FIBCD1: variants seen among roughly 807,000 people sequenced by gnomAD.
The protein encoded by FIBCD1 is fibrinogen C domain-containing protein 1.
A neutral mutation model predicts 45.1 loss-of-function variants in FIBCD1; 47 were observed. That is an observed-to-expected ratio of 1.04 (90% confidence interval 0.82 to 1.33). FIBCD1 has a LOEUF of 1.33. Among genes scored for constraint, FIBCD1 ranks in the 40% most tolerant of loss-of-function variants. The pLI, the probability that FIBCD1 is intolerant of heterozygous loss-of-function variation, is 0.00. For missense variants in FIBCD1, 653 were observed against 682.2 expected (o/e 0.96, Z 0.48); for synonymous variants, 313 against 308.1 (o/e 1.02, Z -0.17).
chr9:130,903,977 G>A lies in FIBCD1; in HGVS notation c.*87C>T. On this transcript the variant is annotated 3_prime_UTR_variant, in exon 7 of 7. Transcript: ENST00000372338. ...TGGAGAGTGGGTCCGCCAGGCACAGGTGGGTGGAGAACATTCACGAAAGAG... is the reference window on the plus strand; with the variant it reads ...TGGAGAGTGGGTCCGCCAGGCACAGATGGGTGGAGAACATTCACGAAAGAG... 6.5e-7 allele frequency: 1 copy of A among 1,531,096 alleles called. No individual in the cohort carries two copies. Among genetic ancestry groups the A allele is most frequent in the South Asian group, 1.2e-5 (1 of 83,706 alleles). 94.8% of individuals were successfully genotyped at this position (1,531,096 alleles called of 1,614,324 possible).
At chr9:130,909,653 G>A (rs537747279) in intron 5 of FIBCD1, among the ~76,000 whole-genome samples, 7 of 152,094 alleles carry the variant, frequency 4.6e-5, no homozygotes, top group Non-Finnish European at 8.8e-5. Context: ...TATATAGGTA[G>A]ATAGGACCTC....
At chr9:130,920,140 T>G (rs1832235564) in intron 4 of FIBCD1, among the ~76,000 whole-genome samples, 1 of 151,386 alleles carries the variant, frequency 6.6e-6, no homozygotes, top group Admixed American at 6.6e-5. Flanking sequence ...AGAAGGGACG[T>G]GACCCTGGCA....
At position 130,929,974 on chromosome 9, in the gene FIBCD1, C is replaced by T. The variant is rs373476126; in HGVS notation, c.145G>A (p.Gly49Ser). ...GCGTGGTTCAGGAAGAGCACGGCAC[C>T]GGTGACAGCTACAGCCAGCAGCACA... ...LAVLLAVAVT[G>S]AVLFLNHAHA... Residue 49 changes from glycine (G) to serine (S), a missense_variant, in exon 2 of 7, where the codon GGT (glycine) becomes AGT (serine). Coordinates refer to ENST00000372338, the MANE Select transcript of FIBCD1 (RefSeq NM_032843.5). 103 of 1,547,190 alleles carry T rather than the reference C, an allele frequency of 6.7e-5. No homozygotes were observed. Among genetic ancestry groups the T allele is most frequent in the African/African-American group, 8.2e-5 (6 of 73,276 alleles).
intron 4 of FIBCD1, among the ~76,000 whole-genome samples, chr9:130,920,834 T>C (rs907577674): frequency 6.6e-6 from 1 of 152,178 alleles, no homozygotes; most frequent in African/African-American, 2.4e-5. Flanking sequence ...CTGGCACAAG[T>C]CGGCTTCCTT....
At chr9:130,927,190 C>T (rs1453326895) in intron 2 of FIBCD1, among the ~76,000 whole-genome samples, 1 of 151,866 alleles carries the variant, frequency 6.6e-6, no homozygotes, top group Admixed American at 6.6e-5. Flanking sequence ...TTGCAGTAAG[C>T]CCTGATTGTG....
At chr9:130,916,186 C>A (rs1170394509) in intron 4 of FIBCD1, among the ~76,000 whole-genome samples, 1 of 152,262 alleles carries the variant, frequency 6.6e-6, no homozygotes, top group Non-Finnish European at 1.5e-5. Context: ...ACCTTGGCCT[C>A]CCAAAGTGCT....
intron 5 of FIBCD1, among the ~76,000 whole-genome samples, chr9:130,909,377 G>A (rs1831996062): frequency 6.6e-6 from 1 of 152,134 alleles, no homozygotes; most frequent in African/African-American, 2.4e-5. Flanking sequence ...CCGCCCAGAT[G>A]ACACTCGGGG....
chr9:130,906,812 T>A (rs1831936128), intron 5 of FIBCD1, among the ~76,000 whole-genome samples: 1 of 152,208 alleles, frequency 6.6e-6, no homozygotes, highest in African/African-American at 2.4e-5. Context: ...TCCAGTGGAA[T>A]TAGAGTGAGT....
intron 4 of FIBCD1, among the ~76,000 whole-genome samples, chr9:130,916,714 G>A (rs983799223): frequency 1.3e-5 from 2 of 152,234 alleles, no homozygotes; most frequent in Non-Finnish European, 2.9e-5. Flanking sequence ...TGGGATGGGA[G>A]GACAGAGGGA....
rs574432580 is a variant in FIBCD1, at chr9:130,929,917, C to T, written c.202G>A (p.Val68Ile). The change falls in exon 2 of 7, where the codon GTC (valine) becomes ATC (isoleucine). Residue 68 changes from valine to isoleucine, a missense_variant. Val to Ile is a conservative substitution (Grantham distance 29). Transcript: ENST00000372338. Reference protein sequence around the residue: ...HAPGTAPPPVVSTGAASANSA... With the variant: ...HAPGTAPPPVISTGAASANSA... ...TTGGCGCTGGCAGCCCCAGTGCTGA[C>T]GACAGGTGGGGGCGCCGTGCCCGGC... is the stretch of plus-strand genomic sequence containing the variant. The T allele has an allele frequency of 1.7e-5, 27 of 1,549,184 alleles. No homozygotes were observed. The highest frequency in any genetic ancestry group is 6.0e-5 in the South Asian group (5 of 83,948).
rs546687969 is a variant in FIBCD1, at chr9:130,926,914, C to T, written c.553-2518G>A. ...TATGGGGCTGCAAAGTGCCTATTAA[C>T]GCGGAGCCCAGCACATGGTATAGGC... On this transcript the variant is annotated intron_variant, in intron 2 of 6. Coordinates refer to ENST00000372338, the MANE Select transcript of FIBCD1 (RefSeq NM_032843.5). This position sits in a 1 kb window ranked among gnomAD's most constrained non-coding sequence, Gnocchi z 4.1. Among the ~76,000 whole-genome samples the T allele has an allele frequency of 2.0e-5, 3 of 152,250 alleles. No individual in the cohort carries two copies. In the South Asian group the frequency reaches 6.2e-4, roughly 32 times the overall value.
chr9:130,931,763 C>T (rs12343208), intron 1 of FIBCD1, among the ~76,000 whole-genome samples: 1,949 of 152,354 alleles, frequency 0.013, 50 homozygotes, highest in African/African-American at 0.044. Context: ...CAAATAAAAG[C>T]AGAACTGGGA....
At chr9:130,906,037 A>G (rs1268732626) in intron 5 of FIBCD1, among the ~76,000 whole-genome samples, 5 of 152,104 alleles carry the variant, frequency 3.3e-5, no homozygotes, top group Admixed American at 6.5e-5. Flanking sequence ...TGCTGACCCC[A>G]GTGCCTGGGG....
intron 2 of FIBCD1, among the ~76,000 whole-genome samples, chr9:130,925,743 G>C (rs1353491161): frequency 6.6e-6 from 1 of 152,216 alleles, no homozygotes; most frequent in African/African-American, 2.4e-5. Context: ...TGGGCTTCAG[G>C]AGGCTGCAGG....
intron 4 of FIBCD1, among the ~76,000 whole-genome samples, chr9:130,917,784 C>T (rs1832192796): frequency 6.6e-6 from 1 of 152,194 alleles, no homozygotes; most frequent in Non-Finnish European, 1.5e-5. Flanking sequence ...CTGGTGCTCC[C>T]ATTAGGCAGA....
At chr9:130,925,901 G>C (rs1832350558) in intron 2 of FIBCD1, among the ~76,000 whole-genome samples, 1 of 152,246 alleles carries the variant, frequency 6.6e-6, no homozygotes, top group African/African-American at 2.4e-5. Context: ...AGTGCCGGCA[G>C]TTTACAAAAT....
rs773894501 is a variant in FIBCD1 at position 130,922,592 on chromosome 9, A to G, written c.849+1152T>C. 5.3e-5 allele frequency among the ~76,000 whole-genome samples: 8 copies of G among 152,066 alleles called. No homozygotes were observed. Among genetic ancestry groups the G allele is most frequent in the Non-Finnish European group, 1.2e-4 (8 of 68,008 alleles). On this transcript the variant is annotated intron_variant, in intron 4 of 6. Coordinates refer to ENST00000372338, the MANE Select transcript of FIBCD1 (RefSeq NM_032843.5). This position sits in a 1 kb window ranked among gnomAD's most constrained non-coding sequence, Gnocchi z 4.5. Reference sequence around the variant, plus strand: ...TGACATCTGCTGTCGGGGTCCCATCATAGACCTGTGGACTGAACGGTCGAA... The same window carrying G: ...TGACATCTGCTGTCGGGGTCCCATCGTAGACCTGTGGACTGAACGGTCGAA...
chr9:130,930,096 G>C (rs779054172), intron 1 of FIBCD1, 50 bp from the exon 2 acceptor site: 1 of 1,474,132 alleles, frequency 6.8e-7, no homozygotes, highest in East Asian at 2.3e-5. Flanking sequence ...ACGGGAGAGA[G>C]AAGGGGCCAG....
rs573214395 is a variant in FIBCD1, at chr9:130,931,862, T to A, written c.73-1816A>T. ...ACTCTCAGACACATTTTCCCCACCTTTTCAACTTTCCGAATTTGAGACTTG... is the reference window on the plus strand; with the variant it reads ...ACTCTCAGACACATTTTCCCCACCTATTCAACTTTCCGAATTTGAGACTTG... On this transcript the variant is annotated intron_variant, in intron 1 of 6. Coordinates refer to ENST00000372338, the MANE Select transcript of FIBCD1 (RefSeq NM_032843.5). Among the ~76,000 whole-genome samples the A allele has an allele frequency of 3.0e-4, 46 of 152,372 alleles. No individual in the cohort carries two copies. The South Asian group carries it at 3.3e-3, about 11-fold the overall frequency.
Sources: allele counts gnomAD v4.1 joint callset (sites outside exome capture counted in the v4.1 genomes callset), GRCh38; gene constraint gnomAD v4.1.1; non-coding constraint Gnocchi (gnomAD v3.1); transcripts MANE v1.5; gene names NCBI Gene and HGNC (gene_info 2026-07-23, HGNC 2026-07-21).